The following RASGRF2 variants were observed in gnomAD, a reference collection of about 807,000 sequenced individuals.
RASGRF2 encodes the protein ras-specific guanine nucleotide-releasing factor 2.
Under a neutral mutation model 151.0 loss-of-function variants are expected in RASGRF2, and 76 were observed. That is an observed-to-expected ratio of 0.50 (90% CI 0.42 to 0.61). The LOEUF (loss-of-function observed/expected upper bound fraction) is 0.61. RASGRF2 is among the 20% of genes least tolerant of loss of function. RASGRF2 has a pLI of 0.00. For missense variants in RASGRF2, 1,148 were observed against 1,564.6 expected, an observed-to-expected ratio of 0.73 and a Z score of 4.49; for synonymous variants, 504 against 566.5, an observed-to-expected ratio of 0.89 and a Z score of 1.57.
At chr5:81,118,239 A>G (rs1753213021) in intron 15 of RASGRF2, among the ~76,000 whole-genome samples, 1 of 152,238 alleles carries the variant, frequency 6.6e-6, no homozygotes, top group East Asian at 1.9e-4. Flanking sequence ...ATCCTTTGAA[A>G]TCTAGGTGAA....
chr5:81,117,730 G>C (rs189362040), intron 15 of RASGRF2, among the ~76,000 whole-genome samples: 2 of 152,264 alleles, frequency 1.3e-5, no homozygotes, highest in African/African-American at 4.8e-5. Context: ...TCAGATACGG[G>C]TGAGACCTGA....
chr5:81,133,453 C>G (rs1030594484), intron 17 of RASGRF2, among the ~76,000 whole-genome samples: 2 of 152,184 alleles, frequency 1.3e-5, no homozygotes, highest in African/African-American at 4.8e-5. Context: ...GCTGCTGATA[C>G]AGGGAATCTG....
rs116570049 is a variant in RASGRF2, at chr5:81,052,854, G to A, written c.395+9871G>A. Among the ~76,000 whole-genome samples, 518 of 152,230 alleles carry A rather than the reference G, an allele frequency of 3.4e-3. 4 individuals are homozygous for A. Among genetic ancestry groups the A allele is most frequent in the African/African-American group, 0.012 (503 of 41,558 alleles). On this transcript the variant is annotated intron_variant, in intron 2 of 26. Transcript: ENST00000265080. ...AGGCCTCATGATTCTCCTGGCATGAGGAACGCTGATTCCAAACAGTTTTCT... is the reference window on the plus strand; with the variant it reads ...AGGCCTCATGATTCTCCTGGCATGAAGAACGCTGATTCCAAACAGTTTTCT...
At chr5:81,040,480 T>A (rs145950835) in intron 1 of RASGRF2, among the ~76,000 whole-genome samples, 1 of 152,360 alleles carries the variant, frequency 6.6e-6, no homozygotes, top group Non-Finnish European at 1.5e-5. Context: ...CATTAACGTT[T>A]CTGATGCATT....
chr5:81,042,354 A>T (rs1011318537), intron 1 of RASGRF2, among the ~76,000 whole-genome samples: 4 of 152,186 alleles, frequency 2.6e-5, no homozygotes, highest in African/African-American at 7.2e-5. Flanking sequence ...CTCTGGGAAA[A>T]CAGGGGTATA....
chr5:81,192,605 A>C (rs1350650682), intron 18 of RASGRF2, among the ~76,000 whole-genome samples: 3 of 152,232 alleles, frequency 2.0e-5, no homozygotes, highest in Non-Finnish European at 4.4e-5. Context: ...AGAGGCTCTC[A>C]TCCCAGGTTT....
intron 1 of RASGRF2, among the ~76,000 whole-genome samples, chr5:80,991,258 A>G (rs1748640945): frequency 6.6e-6 from 1 of 152,150 alleles, no homozygotes; most frequent in Admixed American, 6.6e-5. Flanking sequence ...CAGGAGGTTG[A>G]GACCAGCCTG....
At chr5:81,161,526 T>C (rs971830583) in intron 17 of RASGRF2, among the ~76,000 whole-genome samples, 4 of 152,200 alleles carry the variant, frequency 2.6e-5, no homozygotes, top group Non-Finnish European at 4.4e-5. Flanking sequence ...CACTGTATGA[T>C]TGAGATGCGT....
chr5:81,096,159 G>A (rs1752541150), intron 12 of RASGRF2: 2 of 152,062 alleles, frequency 1.3e-5, no homozygotes, highest in South Asian at 4.1e-4. Context: ...GGCTTCAATG[G>A]CAAATAAATA....
chr5:80,989,725 T>C (rs764074910), intron 1 of RASGRF2, among the ~76,000 whole-genome samples: 1 of 152,238 alleles, frequency 6.6e-6, no homozygotes, highest in African/African-American at 2.4e-5. Flanking sequence ...AGGTTCCATT[T>C]TGAAGCCTGG....
At chr5:81,150,260 G>A (rs1163649459) in intron 17 of RASGRF2, among the ~76,000 whole-genome samples, 9 of 152,122 alleles carry the variant, frequency 5.9e-5, no homozygotes, top group East Asian at 3.9e-4. Flanking sequence ...GAGTTCTGCC[G>A]TTTATTTAGC....
At chr5:81,129,425 T>C (rs1199601984) in intron 17 of RASGRF2, among the ~76,000 whole-genome samples, 1 of 152,140 alleles carries the variant, frequency 6.6e-6, no homozygotes, top group Non-Finnish European at 1.5e-5. Context: ...ACTACCATAG[T>C]ACTTTATATA....
intron 1 of RASGRF2, among the ~76,000 whole-genome samples, chr5:80,971,311 A>G (rs1247375868): frequency 6.6e-6 from 1 of 152,188 alleles, no homozygotes; most frequent in Non-Finnish European, 1.5e-5. Flanking sequence ...TGAACTTCCT[A>G]TTCACAGACT....
chr5:80,986,910 C>A (rs953538609), intron 1 of RASGRF2, among the ~76,000 whole-genome samples: 1 of 152,158 alleles, frequency 6.6e-6, no homozygotes, highest in Non-Finnish European at 1.5e-5. Flanking sequence ...ACCCTCTTTC[C>A]AGAACCTTGA....
chr5:81,198,829 T>C (rs188350873), intron 18 of RASGRF2, among the ~76,000 whole-genome samples: 42 of 152,352 alleles, frequency 2.8e-4, no homozygotes, highest in African/African-American at 9.6e-4. Flanking sequence ...GGCACCTAGG[T>C]TGATTCTGTG....
At chr5:81,194,192 A>G (rs1034300724) in intron 18 of RASGRF2, among the ~76,000 whole-genome samples, 4 of 151,310 alleles carry the variant, frequency 2.6e-5, no homozygotes, top group Non-Finnish European at 5.9e-5. Flanking sequence ...AAAAAAAAAA[A>G]AAAAATCTTA....
intron 1 of RASGRF2, among the ~76,000 whole-genome samples, chr5:80,978,077 G>A (rs1022942687): frequency 6.6e-6 from 1 of 152,038 alleles, no homozygotes; most frequent in Admixed American, 6.6e-5. Context: ...TTTCTTTCTG[G>A]TACGTAAATC....
intron 2 of RASGRF2, among the ~76,000 whole-genome samples, chr5:81,060,283 C>G (rs759886268): frequency 9.2e-5 from 14 of 152,172 alleles, no homozygotes; most frequent in African/African-American, 3.4e-4. Flanking sequence ...TTGTCATTCC[C>G]TAGACAGGCT....
intron 1 of RASGRF2, among the ~76,000 whole-genome samples, chr5:81,003,362 A>G (rs962788771): frequency 1.3e-5 from 2 of 151,992 alleles, no homozygotes; most frequent in Non-Finnish European, 2.9e-5. Context: ...AGCTGGGACT[A>G]CAGGTGCCCA....
Sources: gnomAD v4.1 joint callset for allele counts (sites outside exome capture counted in the v4.1 genomes callset) on GRCh38, gnomAD v4.1.1 for gene constraint, MANE v1.5 for transcripts, NCBI Gene and HGNC (gene_info 2026-07-23, HGNC 2026-07-21) for gene names.